Variants in SETD1B observed in about 807,000 individuals in gnomAD.
SETD1B encodes SET domain containing 1B, histone lysine methyltransferase, also known as histone-lysine N-methyltransferase SETD1B.
Under a neutral mutation model 148.0 loss-of-function variants are expected in SETD1B, and 7 were observed. That is an observed-to-expected ratio of 0.05 (90% CI 0.03 to 0.09). The LOEUF is 0.09. SETD1B is among the 10% of genes least tolerant of loss of function. SETD1B has a pLI of 1.00. For missense variants in SETD1B, 2,155 were observed against 2,729.9 expected, an observed-to-expected ratio of 0.79 and a Z score of 4.69; for synonymous variants, 1,361 against 1,186.5, an observed-to-expected ratio of 1.15 and a Z score of -3.02.
the SETD1B span, chr12:121,793,723 C>T: frequency 8.2e-7 from 1 of 1,226,760 alleles, no homozygotes; most frequent in Non-Finnish European, 1.1e-6. Context: ...CCAGCCCCGC[C>T]CACTCGGAGC....
At chr12:121,798,216 C>T in the SETD1B span, among the ~76,000 whole-genome samples, 362 of 152,270 alleles carry the variant, frequency 2.4e-3, 3 homozygotes, top group African/African-American at 8.5e-3. Flanking sequence ...CACTTCTCCC[C>T]GGACCATGGG....
At chr12:121,825,706 A>C (rs1268724423) in intron 13 of SETD1B, among the ~76,000 whole-genome samples, 1 of 151,874 alleles carries the variant, frequency 6.6e-6, no homozygotes, top group Non-Finnish European at 1.5e-5. Context: ...GTGCAGTGGC[A>C]CAGTCTCAGC....
chr12:121,793,608 T>C, the SETD1B span: 1 of 1,549,924 alleles, frequency 6.5e-7, no homozygotes, highest in East Asian at 2.4e-5. Context: ...GGCGGCGGTC[T>C]GGGCCAGGGC....
chr12:121,791,250 C>T, the SETD1B span, among the ~76,000 whole-genome samples: 41 of 152,164 alleles, frequency 2.7e-4, no homozygotes, highest in African/African-American at 9.7e-4. Flanking sequence ...CTCAGCCTCC[C>T]GAGTAGCTGG....
the SETD1B span, among the ~76,000 whole-genome samples, chr12:121,790,805 A>T: frequency 6.6e-6 from 1 of 152,190 alleles, no homozygotes; most frequent in Admixed American, 6.5e-5. Flanking sequence ...GGGGCATGGC[A>T]CCGTAGATTC....
chr12:121,806,221 C>A, intron 4 of SETD1B, 116 bp downstream of exon 4: 1 of 1,175,960 alleles, frequency 8.5e-7, no homozygotes, highest in Non-Finnish European at 1.2e-6. Context: ...TCCCCCCCCA[C>A]AACCTTATTT....
In SETD1B at chr12:121,804,783, C is replaced by T; in HGVS notation, c.46C>T (p.Pro16Ser). ...PPHHHHQQPP[P>S]QPGPSGERRN... ...CCACCACCACCACCAGCAGCCCCCG[C>T]CGCAGCCCGGCCCTTCGGGCGAGAG... Residue 16 changes from proline to serine, a missense_variant, in exon 2 of 17, where the codon CCG (proline) becomes TCG (serine). Physicochemically the swap from Pro to Ser is moderately conservative, Grantham distance 74. Coordinates refer to ENST00000604567, the MANE Select transcript of SETD1B (RefSeq NM_001353345.2). The surrounding 1 kb of genome is among the most constrained non-coding windows in gnomAD (Gnocchi z 4.6). 1 of 1,550,986 alleles carries T rather than the reference C, an allele frequency of 6.4e-7. No individual in the cohort carries two copies. Among genetic ancestry groups the T allele is most frequent in the Non-Finnish European group, 8.7e-7 (1 of 1,146,798 alleles).
chr12:121,818,317 C>CT (rs1876397831), intron 10 of SETD1B, among the ~76,000 whole-genome samples: 1 of 152,208 alleles, frequency 6.6e-6, no homozygotes, highest in Non-Finnish European at 1.5e-5. Flanking sequence ...AATCCCAGCA[C>CT]TTTGAGAGGC....
At position 121,831,998 on chromosome 12, in the gene SETD1B, C is replaced by T. The variant is rs1877118892; in HGVS notation, c.*1759C>T. On this transcript the variant is annotated 3_prime_UTR_variant, in exon 17 of 17. Transcript: ENST00000604567. ...TGGCAACAAGACACAGATGGGGTACCTGGGCACAGCGGCGAACTTCTCTTC... is the reference window on the plus strand; with the variant it reads ...TGGCAACAAGACACAGATGGGGTACTTGGGCACAGCGGCGAACTTCTCTTC... The T allele has an allele frequency of 6.6e-6, 1 of 152,064 alleles. No individual in the cohort carries two copies. Among genetic ancestry groups the T allele is most frequent in the Non-Finnish European group, 1.5e-5 (1 of 68,026 alleles). The allele number at this position is 152,064 out of a possible 1,614,324, so 9.4% of individuals were successfully genotyped here. A position where few individuals can be genotyped will look rare whatever the true frequency, so the allele number is the denominator to read the frequency against.
Position 121,819,385 on chromosome 12 carries a change from G to C in SETD1B, c.3419-19G>C. On this transcript the variant is annotated intron_variant, in intron 10 of 16. Coordinates refer to ENST00000604567, the MANE Select transcript of SETD1B (RefSeq NM_001353345.2). ...ACAGCGGGTCCTCAGGCAGCCCCTC[G>C]TCTGTGTCCCCCATCCAGAGGAGAC... 1 of 1,551,274 alleles carries C rather than the reference G, an allele frequency of 6.4e-7. No homozygotes were observed. The highest frequency in any genetic ancestry group is 1.4e-5 in the African/African-American group (1 of 73,156).
Position 121,817,136 on chromosome 12 carries a change from AGGGCCTGGGCTACGAGGGCCT to A in SETD1B, c.2830_2850del (p.Tyr944_Gly950del). 1.3e-6 allele frequency: 2 copies of A among 1,548,964 alleles called. No homozygotes were observed. The highest frequency in any genetic ancestry group is 1.7e-6 in the Non-Finnish European group (2 of 1,146,890). On this transcript the variant is annotated inframe_deletion, in exon 8 of 17. Transcript: ENST00000604567. The surrounding 1 kb of genome is among the most constrained non-coding windows in gnomAD (Gnocchi z 8.1). ...CTGCTGGAGTCATGGGGCAAGGGCG[AGGGCCTGGGCTACGAGGGCCT>A]GGGCCTGGGCATTGGGCTGCGTGGG...
At chr12:121,793,156 C>T in the SETD1B span, 1 of 1,550,012 alleles carries the variant, frequency 6.5e-7, no homozygotes, top group Non-Finnish European at 8.7e-7. Context: ...ACTCACCGGC[C>T]GTGTCGTAGA....
Position 121,814,093 on chromosome 12 carries a change from GCT to G in SETD1B, c.1891-6_1891-5del, listed in dbSNP as rs1227932870. On this transcript the variant is annotated splice_polypyrimidine_tract_variant and intron_variant, in intron 6 of 16. Transcript: ENST00000604567. ...CAGACTCACCTCACTGTCTCTCCCT[GCT>G]CTCTCTGCAGGGCCAGCAGTCCTCA... 2 of 1,544,156 alleles carry G rather than the reference GCT, an allele frequency of 1.3e-6. No individual in the cohort carries two copies. The highest frequency in any genetic ancestry group is 1.4e-5 in the African/African-American group (1 of 72,326).
At chr12:121,801,140 C>G (rs892505626), upstream of SETD1B, 2 of 152,200 alleles carry the variant, frequency 1.3e-5, no homozygotes, top group Non-Finnish European at 2.9e-5. Flanking sequence ...GCGTTGCCAG[C>G]GCAGGCGCGC....
At chr12:121,800,955 G>A (rs1010117908), upstream of SETD1B, 1 of 152,156 alleles carries the variant, frequency 6.6e-6, no homozygotes, top group Non-Finnish European at 1.5e-5. Flanking sequence ...AGCCCTGCCC[G>A]GCTGGGCCCG....
chr12:121,821,213 T>C (rs982678255), intron 11 of SETD1B, among the ~76,000 whole-genome samples: 3 of 152,172 alleles, frequency 2.0e-5, no homozygotes, highest in African/African-American at 4.8e-5. Context: ...GCAGTAGCAA[T>C]GCAACAGTGG....
rs1321839639 is a variant in SETD1B at position 121,817,805 on chromosome 12, G to A, written c.3319G>A (p.Asp1107Asn). The change falls in exon 10 of 17, where the codon GAC (aspartate) becomes AAC (asparagine). Residue 1107 changes from aspartate (D) to asparagine (N), a missense_variant. Coordinates refer to ENST00000604567, the MANE Select transcript of SETD1B (RefSeq NM_001353345.2). The surrounding 1 kb of genome is among the most constrained non-coding windows in gnomAD (Gnocchi z 8.1). ...ACTCTTCCTTCTCCCCCAGGATGAC[G>A]ACGATGACGACAGTGATGACCGGGA... The part of the protein sequence containing the change: ...STSSTSDKDD[D>N]DDDSDDRDES... 8 of 1,549,708 alleles carry A rather than the reference G, an allele frequency of 5.2e-6. No individual in the cohort carries two copies. Among genetic ancestry groups the A allele is most frequent in the African/African-American group, 1.4e-5 (1 of 73,004 alleles).
chr12:121,793,739 C>T, the SETD1B span: 1 of 1,073,178 alleles, frequency 9.3e-7, no homozygotes, highest in Non-Finnish European at 1.2e-6. Flanking sequence ...GGAGCAGCGC[C>T]GCCTCCGCCA....
At chr12:121,797,622 T>C in the SETD1B span, 1 of 456,444 alleles carries the variant, frequency 2.2e-6, no homozygotes, top group South Asian at 1.5e-5. Context: ...AGAAACTGGC[T>C]GGAGCCCTCC....
Sources: allele counts gnomAD v4.1 joint callset (sites outside exome capture counted in the v4.1 genomes callset), GRCh38; gene constraint gnomAD v4.1.1; non-coding constraint Gnocchi (gnomAD v3.1); transcripts MANE v1.5; gene names NCBI Gene and HGNC (gene_info 2026-07-23, HGNC 2026-07-21).